Variants in SPMAP2L observed in about 807,000 individuals in gnomAD.
SPMAP2L encodes the protein sperm microtubule associated protein 2 like, also known as sperm microtubule associated protein 2-like.
At chr4:56,582,323 A>T in the SPMAP2L span, among the ~76,000 whole-genome samples, 2 of 152,224 alleles carry the variant, frequency 1.3e-5, no homozygotes, top group African/African-American at 4.8e-5. Context: ...AATATTCAGA[A>T]TATATAAAAA....
chr4:56,604,639 A>G, the SPMAP2L span, among the ~76,000 whole-genome samples: 103 of 152,000 alleles, frequency 6.8e-4, no homozygotes, highest in Middle Eastern at 3.4e-3. Flanking sequence ...GCCTGGGGTG[A>G]TACAGCAAGA....
the SPMAP2L span, among the ~76,000 whole-genome samples, chr4:56,564,576 C>G: frequency 6.6e-6 from 1 of 152,172 alleles, no homozygotes; most frequent in Non-Finnish European, 1.5e-5. Context: ...TGTGCCTTCT[C>G]TCTTTTTTTG....
the SPMAP2L span, chr4:56,594,060 T>C: frequency 5.0e-6 from 8 of 1,610,706 alleles, no homozygotes; most frequent in East Asian, 2.2e-5. Flanking sequence ...GATGGCACAC[T>C]TGGTATTTCT....
chr4:56,566,442 C>A, the SPMAP2L span, among the ~76,000 whole-genome samples: 2 of 152,154 alleles, frequency 1.3e-5, no homozygotes, highest in Non-Finnish European at 2.9e-5. Context: ...CGTGATCCAC[C>A]TGCCTTGGCC....
the SPMAP2L span, chr4:56,601,004 A>C: frequency 2.6e-6 from 4 of 1,535,486 alleles, no homozygotes; most frequent in Non-Finnish European, 3.5e-6. Flanking sequence ...AAGTCTGTTC[A>C]TCAAGATTAT....
chr4:56,615,768 CA>C, the SPMAP2L span, among the ~76,000 whole-genome samples: 2 of 152,022 alleles, frequency 1.3e-5, no homozygotes, highest in Admixed American at 1.3e-4. Flanking sequence ...AACAAACAAA[CA>C]AACAAACAAA....
the SPMAP2L span, among the ~76,000 whole-genome samples, chr4:56,546,356 G>T: frequency 4.6e-5 from 7 of 152,166 alleles, no homozygotes; most frequent in African/African-American, 1.7e-4. Context: ...AGAGCCAGTG[G>T]TCTCAGCCAT....
At chr4:56,553,317 A>C in the SPMAP2L span, among the ~76,000 whole-genome samples, 10 of 147,912 alleles carry the variant, frequency 6.8e-5, no homozygotes, top group South Asian at 2.1e-3. Context: ...CAGCCTCCTG[A>C]GTATCTGGGA....
At chr4:56,592,968 C>A in the SPMAP2L span, 2 of 1,604,750 alleles carry the variant, frequency 1.2e-6, no homozygotes, top group Non-Finnish European at 1.7e-6. Context: ...TTGAAAAGAC[C>A]CTTGAAAATG....
the SPMAP2L span, among the ~76,000 whole-genome samples, chr4:56,619,753 G>A: frequency 1.3e-5 from 2 of 152,160 alleles, no homozygotes; most frequent in Admixed American, 6.5e-5. Flanking sequence ...CTTCTGCAGA[G>A]TAAAGAAAAT....
chr4:56,592,178 C>G, the SPMAP2L span, among the ~76,000 whole-genome samples: 7 of 152,158 alleles, frequency 4.6e-5, no homozygotes, highest in Admixed American at 3.3e-4. Flanking sequence ...AGGTTGTGCT[C>G]TCCTTATGAG....
At chr4:56,573,380 G>A in the SPMAP2L span, among the ~76,000 whole-genome samples, 4 of 152,128 alleles carry the variant, frequency 2.6e-5, no homozygotes, top group Non-Finnish European at 5.9e-5. Flanking sequence ...CCTGGCATTT[G>A]GTGGTTGCCA....
the SPMAP2L span, chr4:56,584,516 G>A: frequency 6.5e-7 from 1 of 1,534,726 alleles, no homozygotes. Context: ...TGATAACTCA[G>A]CAAGAGATTC....
the SPMAP2L span, among the ~76,000 whole-genome samples, chr4:56,619,675 A>G: frequency 2.6e-5 from 4 of 152,182 alleles, no homozygotes. Context: ...CATCTTCACA[A>G]TATAACGTCA....
chr4:56,572,522 C>T, the SPMAP2L span, among the ~76,000 whole-genome samples: 2 of 152,128 alleles, frequency 1.3e-5, no homozygotes, highest in Admixed American at 6.5e-5. Context: ...GGACCTGGTG[C>T]TCAATACGTA....
the SPMAP2L span, among the ~76,000 whole-genome samples, chr4:56,617,615 A>T: frequency 0.031 from 4,791 of 152,116 alleles, 158 homozygotes; most frequent in African/African-American, 0.081. Flanking sequence ...CTGAAGACCC[A>T]GTGGGCATGT....
the SPMAP2L span, among the ~76,000 whole-genome samples, chr4:56,571,528 G>T: frequency 6.6e-6 from 1 of 151,940 alleles, no homozygotes; most frequent in Non-Finnish European, 1.5e-5. Flanking sequence ...CGTTGCCCAG[G>T]CTGGTCTCAA....
At chr4:56,544,232 G>A in the SPMAP2L span, among the ~76,000 whole-genome samples, 2 of 151,920 alleles carry the variant, frequency 1.3e-5, no homozygotes, top group African/African-American at 2.4e-5. Context: ...CAAGTGATCC[G>A]CCCGCCTTGG....
chr4:56,562,557 C>T, the SPMAP2L span, among the ~76,000 whole-genome samples: 5 of 152,158 alleles, frequency 3.3e-5, no homozygotes, highest in African/African-American at 1.2e-4. Flanking sequence ...TCTAATAAAA[C>T]TCAATACCAC....
Sources: gnomAD v4.1 joint callset for allele counts (sites outside exome capture counted in the v4.1 genomes callset) on GRCh38, gnomAD v4.1.1 for gene constraint, MANE v1.5 for transcripts, NCBI Gene and HGNC (gene_info 2026-07-23, HGNC 2026-07-21) for gene names.